ATP6V1H: variants seen among roughly 807,000 people sequenced by gnomAD.
The protein encoded by ATP6V1H is V-type proton ATPase subunit H.
Under a neutral mutation model 71.7 loss-of-function variants are expected in ATP6V1H, and 39 were observed. The observed-to-expected ratio is 0.54, with a 90% confidence interval of 0.42 to 0.71. The LOEUF (loss-of-function observed/expected upper bound fraction) is 0.71, where lower values mean the gene tolerates loss of function less well. Ranked by LOEUF, ATP6V1H falls within the 30% of genes least tolerant of loss-of-function variation. ATP6V1H has a pLI of 0.00. For missense variants in ATP6V1H, 509 were observed against 594.9 expected (o/e 0.86, Z 1.50); for synonymous variants, 192 against 199.3 (o/e 0.96, Z 0.31).
chr8:53,804,927 G>A (rs1275728715), intron 7 of ATP6V1H, among the ~76,000 whole-genome samples: 1 of 152,142 alleles, frequency 6.6e-6, no homozygotes, highest in Non-Finnish European at 1.5e-5. Context: ...TACAGTGAAA[G>A]TCACAACACA....
chr8:53,744,574 G>C (rs1174805207), intron 12 of ATP6V1H, among the ~76,000 whole-genome samples: 2 of 152,198 alleles, frequency 1.3e-5, no homozygotes, highest in African/African-American at 4.8e-5. Flanking sequence ...ACAGTGTTTG[G>C]TGGTTTAAGA....
chr8:53,753,203 G>A (rs867052468), intron 12 of ATP6V1H, among the ~76,000 whole-genome samples: 1 of 152,072 alleles, frequency 6.6e-6, no homozygotes, highest in African/African-American at 2.4e-5. Flanking sequence ...ATGCTGGTGA[G>A]AGGCTTCAGA....
chr8:53,807,882 C>A (rs1227599698), intron 7 of ATP6V1H, among the ~76,000 whole-genome samples: 2 of 152,232 alleles, frequency 1.3e-5, no homozygotes, highest in Admixed American at 1.3e-4. Flanking sequence ...GGCAACACTT[C>A]CAAGGGCTCC....
intron 13 of ATP6V1H, among the ~76,000 whole-genome samples, chr8:53,741,374 C>T (rs1321405362): frequency 6.6e-6 from 1 of 152,164 alleles, no homozygotes; most frequent in Non-Finnish European, 1.5e-5. Context: ...AAACCACTAA[C>T]CCAACAAGAA....
chr8:53,825,382 C>T (rs1232615314), intron 4 of ATP6V1H, among the ~76,000 whole-genome samples: 1 of 151,398 alleles, frequency 6.6e-6, no homozygotes, highest in Non-Finnish European at 1.5e-5. Flanking sequence ...TTTAACACAA[C>T]TTAGTAAAAA....
intron 7 of ATP6V1H, among the ~76,000 whole-genome samples, chr8:53,805,519 C>G (rs1693443056): frequency 6.6e-6 from 1 of 152,030 alleles, no homozygotes; most frequent in Middle Eastern, 3.2e-3. Flanking sequence ...AGGACAATAT[C>G]AAGTGTCAGT....
intron 2 of ATP6V1H, 141 bp from the exon 3 acceptor site, chr8:53,833,227 G>A: frequency 3.3e-6 from 2 of 597,114 alleles, no homozygotes; most frequent in South Asian, 2.1e-5. Context: ...AGACAGACCT[G>A]GATTCAATGC....
At chr8:53,827,117 C>G (rs1345268703) in intron 4 of ATP6V1H, among the ~76,000 whole-genome samples, 1 of 151,972 alleles carries the variant, frequency 6.6e-6, no homozygotes, top group Non-Finnish European at 1.5e-5. Flanking sequence ...CATGGTGGCT[C>G]ACTCCTGTAA....
chr8:53,779,340 C>G (rs953649351), intron 9 of ATP6V1H, among the ~76,000 whole-genome samples: 11 of 151,802 alleles, frequency 7.2e-5, no homozygotes, highest in Non-Finnish European at 1.2e-4. Context: ...ATGTTCTTAA[C>G]CGTAATGGAA....
chr8:53,758,894 CA>C lies in ATP6V1H; in HGVS notation c.1176-2239del, dbSNP rs756461989. ...AATTTGGGACAGAAACAAAATGGTTCAAAAAGTCTAAAATATTTACTACCTT... is the reference window on the plus strand; with the variant it reads ...AATTTGGGACAGAAACAAAATGGTTCAAAAGTCTAAAATATTTACTACCTT... On this transcript the variant is annotated intron_variant, in intron 11 of 13. Coordinates refer to ENST00000359530, the MANE Select transcript of ATP6V1H (RefSeq NM_015941.4). Among the ~76,000 whole-genome samples the C allele has an allele frequency of 1.5e-4, 23 of 152,304 alleles. No individual in the cohort carries two copies. The East Asian group carries it at 3.9e-3, about 25-fold the overall frequency.
intron 4 of ATP6V1H, among the ~76,000 whole-genome samples, chr8:53,824,319 A>G (rs1810759891): frequency 1.3e-5 from 2 of 152,224 alleles, no homozygotes; most frequent in African/African-American, 4.8e-5. Context: ...CCTAATGCTA[A>G]ATAAATTGTT....
chr8:53,727,550 C>G (rs1259255012), intron 13 of ATP6V1H, among the ~76,000 whole-genome samples: 1 of 152,210 alleles, frequency 6.6e-6, no homozygotes, highest in Non-Finnish European at 1.5e-5. Context: ...CTGTGGAAAG[C>G]ATGCGCTCTT....
chr8:53,814,880 C>A (rs1810396646), intron 5 of ATP6V1H, 114 bp from the exon 6 acceptor site: 2 of 583,270 alleles, frequency 3.4e-6, no homozygotes, highest in South Asian at 2.5e-5. Context: ...ACACTCAACC[C>A]CTCTAAAAAT....
chr8:53,752,471 T>G (rs1807830478), intron 12 of ATP6V1H, among the ~76,000 whole-genome samples: 1 of 152,260 alleles, frequency 6.6e-6, no homozygotes, highest in Admixed American at 6.5e-5. Context: ...TAGCCATTCC[T>G]GCCAAATGAT....
At chr8:53,841,460 G>T (rs1363618938) in intron 2 of ATP6V1H, 118 bp downstream of exon 2, 20 of 1,193,522 alleles carry the variant, frequency 1.7e-5, no homozygotes, top group Non-Finnish European at 2.2e-5. Flanking sequence ...TGAAGAGGAA[G>T]TGTTTCTTCC....
At position 53,722,146 on chromosome 8, in the gene ATP6V1H, C is replaced by G. The variant is rs146552599; in HGVS notation, c.1392-6122G>C. Among the ~76,000 whole-genome samples the G allele has an allele frequency of 2.3e-3, 345 of 152,246 alleles. 2 individuals carry two copies. Among genetic ancestry groups the G allele is most frequent in the African/African-American group, 8.0e-3 (334 of 41,530 alleles). ...TCTAAATGCCACTAAACAAAGTGTGCGTTTCTTTATCTCTGGCTATGCTCA... is the reference window on the plus strand; with the variant it reads ...TCTAAATGCCACTAAACAAAGTGTGGGTTTCTTTATCTCTGGCTATGCTCA... On this transcript the variant is annotated intron_variant, in intron 13 of 13. Coordinates refer to ENST00000359530, the MANE Select transcript of ATP6V1H (RefSeq NM_015941.4).
chr8:53,831,044 G>A (rs1810989629), intron 3 of ATP6V1H, among the ~76,000 whole-genome samples: 1 of 152,116 alleles, frequency 6.6e-6, no homozygotes, highest in Admixed American at 6.5e-5. Context: ...CAAACAAGCT[G>A]AGGAAATATG....
chr8:53,739,823 G>C (rs1048181099), intron 13 of ATP6V1H, among the ~76,000 whole-genome samples: 3 of 152,178 alleles, frequency 2.0e-5, no homozygotes, highest in African/African-American at 7.2e-5. Flanking sequence ...AAAAAGATAA[G>C]AGCTGCAGAG....
intron 9 of ATP6V1H, among the ~76,000 whole-genome samples, chr8:53,778,743 C>T (rs1258236752): frequency 6.6e-6 from 1 of 151,998 alleles, no homozygotes. Flanking sequence ...ATTGTAAATG[C>T]CAGTGAACTA....
Sources: allele counts gnomAD v4.1 joint callset (sites outside exome capture counted in the v4.1 genomes callset), GRCh38; gene constraint gnomAD v4.1.1; transcripts MANE v1.5; gene names NCBI Gene and HGNC (gene_info 2026-07-23, HGNC 2026-07-21).